The following UTRN variants were observed in gnomAD, a reference collection of about 807,000 sequenced individuals.
The protein encoded by UTRN is utrophin.
Under a neutral mutation model 463.9 loss-of-function variants are expected in UTRN, and 283 were observed. The ratio of observed to expected loss-of-function variants is 0.61; its 90% confidence interval spans 0.55 to 0.67. The LOEUF (loss-of-function observed/expected upper bound fraction) is 0.67. Among genes scored for constraint, UTRN ranks in the 30% least tolerant of loss-of-function variants. The pLI is 0.00. For missense variants in UTRN, 3,922 were observed against 4,084.3 expected, an observed-to-expected ratio of 0.96 and a Z score of 1.08; for synonymous variants, 1,442 against 1,431.5, an observed-to-expected ratio of 1.01 and a Z score of -0.17.
intron 2 of UTRN, among the ~76,000 whole-genome samples, chr6:144,353,039 G>T (rs574012035): frequency 6.6e-6 from 1 of 152,114 alleles, no homozygotes; most frequent in Non-Finnish European, 1.5e-5. Context: ...ATCTCCGGGG[G>T]TCAAGCAGTC....
chr6:144,747,693 A>T (rs1272235171), intron 54 of UTRN, among the ~76,000 whole-genome samples: 2 of 152,218 alleles, frequency 1.3e-5, no homozygotes, highest in African/African-American at 4.8e-5. Context: ...TGGGCTGCAG[A>T]TGATGCCCTT....
rs182549575 is a variant in UTRN at position 144,300,685 on chromosome 6, G to T, written c.79+8778G>T. 5.1e-4 allele frequency among the ~76,000 whole-genome samples: 78 copies of T among 152,270 alleles called. 1 individual carries two copies. The highest frequency in any genetic ancestry group is 1.7e-3 in the African/African-American group (71 of 41,552). On this transcript the variant is annotated intron_variant, in intron 2 of 74. Coordinates refer to ENST00000367545, the MANE Select transcript of UTRN (RefSeq NM_007124.3). ...CTCCTCAGGCAGTTTTAAGATTAAG[G>T]ATCAAAAAGGGAGCCACTGGAAAGG... is the stretch of plus-strand genomic sequence containing the variant.
intron 50 of UTRN, among the ~76,000 whole-genome samples, chr6:144,565,337 A>C (rs1189353464): frequency 6.6e-6 from 1 of 152,168 alleles, no homozygotes; most frequent in African/African-American, 2.4e-5. Context: ...TAAATAGGCA[A>C]TTATGTATGT....
intron 2 of UTRN, among the ~76,000 whole-genome samples, chr6:144,367,118 G>A (rs1779579992): frequency 6.6e-6 from 1 of 151,978 alleles, no homozygotes; most frequent in South Asian, 2.1e-4. Context: ...AGAGTAGCTG[G>A]GACTACAGGC....
intron 2 of UTRN, among the ~76,000 whole-genome samples, chr6:144,320,951 C>T (rs1013660299): frequency 6.6e-6 from 1 of 152,088 alleles, no homozygotes; most frequent in African/African-American, 2.4e-5. Flanking sequence ...GGGAGGTGCT[C>T]GTGGCAGGCA....
chr6:144,298,511 A>T (rs1312825695), intron 2 of UTRN, among the ~76,000 whole-genome samples: 3 of 152,198 alleles, frequency 2.0e-5, no homozygotes, highest in Non-Finnish European at 4.4e-5. Flanking sequence ...ATGTCTGTGT[A>T]TGCGCATCTG....
At chr6:144,809,539 G>A (rs796096903) in intron 65 of UTRN, among the ~76,000 whole-genome samples, 1 of 152,120 alleles carries the variant, frequency 6.6e-6, no homozygotes, top group Non-Finnish European at 1.5e-5. Flanking sequence ...TATAAGAAGT[G>A]AGAAGAAGAG....
chr6:144,671,554 T>G (rs909704442), intron 51 of UTRN, among the ~76,000 whole-genome samples: 1 of 152,126 alleles, frequency 6.6e-6, no homozygotes, highest in African/African-American at 2.4e-5. Flanking sequence ...CTTTAGGGTT[T>G]TTTAGGTATA....
intron 51 of UTRN, among the ~76,000 whole-genome samples, chr6:144,643,503 T>G (rs908127545): frequency 6.6e-6 from 1 of 152,146 alleles, no homozygotes; most frequent in Admixed American, 6.5e-5. Flanking sequence ...TGTTAAAAAT[T>G]TGTGTTAATT....
At chr6:144,748,562 A>G (rs757692554) in intron 55 of UTRN, 48 bp downstream of exon 55, 20 of 1,582,416 alleles carry the variant, frequency 1.3e-5, no homozygotes, top group Non-Finnish European at 1.5e-5. Flanking sequence ...TTTTCTTGTT[A>G]AATATAACAC....
At position 144,376,652 on chromosome 6, in the gene UTRN, A is replaced by G. The variant is rs1410133857; in HGVS notation, c.80-26471A>G. Among the ~76,000 whole-genome samples the G allele has an allele frequency of 2.0e-5, 3 of 152,186 alleles. No individual in the cohort carries two copies. The East Asian group carries it at 5.8e-4, about 29-fold the overall frequency. On this transcript the variant is annotated intron_variant, in intron 2 of 74. Transcript: ENST00000367545. ...AGAAAGATTTCTAGAATTTTTCTAG[A>G]ATGATTATTGTATCCTAAACATTTA...
intron 34 of UTRN, among the ~76,000 whole-genome samples, chr6:144,502,525 CTG>C (rs1310810647): frequency 6.6e-6 from 1 of 152,016 alleles, no homozygotes; most frequent in Admixed American, 6.6e-5. Flanking sequence ...TTTTCTGTTC[CTG>C]TGTTAGTTTA....
intron 51 of UTRN, among the ~76,000 whole-genome samples, chr6:144,669,998 T>C (rs1780838658): frequency 2.0e-5 from 3 of 152,054 alleles, no homozygotes; most frequent in South Asian, 2.1e-4. Context: ...TGTATACATA[T>C]ATGTTTACAT....
At chr6:144,733,122 G>A (rs894121079) in intron 54 of UTRN, among the ~76,000 whole-genome samples, 1 of 152,214 alleles carries the variant, frequency 6.6e-6, no homozygotes, top group East Asian at 1.9e-4. Flanking sequence ...GTGCACATAT[G>A]TTGCACTCTG....
intron 50 of UTRN, among the ~76,000 whole-genome samples, chr6:144,565,442 C>T (rs917297147): frequency 6.6e-6 from 1 of 151,968 alleles, no homozygotes; most frequent in African/African-American, 2.4e-5. Context: ...GATGAGATCA[C>T]CAGGGAAGGA....
At chr6:144,610,347 C>CACAACCTATCA (rs1805361722) in intron 51 of UTRN, among the ~76,000 whole-genome samples, 2 of 152,026 alleles carry the variant, frequency 1.3e-5, no homozygotes, top group African/African-American at 4.8e-5. Context: ...TCTAGACACA[C>CACAACCTATCA]ACAACCTATC....
At chr6:144,847,985 C>T (rs957480683) in intron 74 of UTRN, among the ~76,000 whole-genome samples, 1 of 152,096 alleles carries the variant, frequency 6.6e-6, no homozygotes, top group Non-Finnish European at 1.5e-5. Flanking sequence ...AAACAATGAG[C>T]CTTCTGAATG....
chr6:144,513,381 C>G (rs1412126082), intron 35 of UTRN, among the ~76,000 whole-genome samples: 1 of 152,074 alleles, frequency 6.6e-6, no homozygotes, highest in Non-Finnish European at 1.5e-5. Context: ...GAAACCCCGT[C>G]TCTACTAAAA....
chr6:144,341,323 A>G (rs78151822), intron 2 of UTRN, among the ~76,000 whole-genome samples: 61 of 152,334 alleles, frequency 4.0e-4, no homozygotes, highest in Admixed American at 9.8e-4. Context: ...TCTTTGTTGT[A>G]CTTTGTATAG....
Sources: allele counts gnomAD v4.1 joint callset (sites outside exome capture counted in the v4.1 genomes callset), GRCh38; gene constraint gnomAD v4.1.1; transcripts MANE v1.5; gene names NCBI Gene and HGNC (gene_info 2026-07-23, HGNC 2026-07-21).